FTO: variants seen among roughly 807,000 people sequenced by gnomAD.
FTO encodes the protein alpha-ketoglutarate-dependent dioxygenase FTO.
A neutral mutation model predicts 63.9 loss-of-function variants in FTO; 47 were observed. That is an observed-to-expected ratio of 0.74 (90% CI 0.58 to 0.94). The LOEUF (loss-of-function observed/expected upper bound fraction) is 0.94. FTO is among the 40% of genes least tolerant of loss of function. The probability of loss-of-function intolerance (pLI) is 0.00; values close to 1 mark genes in which losing one functional copy is unlikely to be tolerated. For synonymous variants in FTO, 207 were observed against 224.4 expected, an observed-to-expected ratio of 0.92 and a Z score of 0.69; for missense variants, 562 against 618.1, an observed-to-expected ratio of 0.91 and a Z score of 0.96.
At chr16:53,762,233 C>T (rs1191927533) in intron 1 of FTO, among the ~76,000 whole-genome samples, 1 of 152,130 alleles carries the variant, frequency 6.6e-6, no homozygotes, top group Non-Finnish European at 1.5e-5. Context: ...TGCCTTTCAG[C>T]ACAGGATAGC....
chr16:53,938,724 G>A (rs1376800325), intron 8 of FTO, among the ~76,000 whole-genome samples: 4 of 152,220 alleles, frequency 2.6e-5, no homozygotes, highest in East Asian at 1.9e-4. Flanking sequence ...ACAACAGAGC[G>A]GCAAGTTCTC....
intron 8 of FTO, among the ~76,000 whole-genome samples, chr16:54,089,395 T>C (rs1487656910): frequency 6.6e-6 from 1 of 152,228 alleles, no homozygotes; most frequent in Non-Finnish European, 1.5e-5. Context: ...TAAGAGATAC[T>C]GGATATCTCA....
At chr16:53,739,006 G>A (rs1338533038) in intron 1 of FTO, among the ~76,000 whole-genome samples, 2 of 151,892 alleles carry the variant, frequency 1.3e-5, no homozygotes, top group Non-Finnish European at 2.9e-5. Flanking sequence ...AAAATTTTTT[G>A]TAGAGATAGG....
At chr16:53,987,609 A>G (rs1174210360) in intron 8 of FTO, among the ~76,000 whole-genome samples, 1 of 151,536 alleles carries the variant, frequency 6.6e-6, no homozygotes, top group African/African-American at 2.4e-5. Flanking sequence ...AAAAGAAAAG[A>G]AAAATGACAG....
At chr16:53,943,767 AG>A (rs1417377353) in intron 8 of FTO, among the ~76,000 whole-genome samples, 1 of 152,216 alleles carries the variant, frequency 6.6e-6, no homozygotes, top group Non-Finnish European at 1.5e-5. Flanking sequence ...TTTGTTATAA[AG>A]TAATCACTTG....
chr16:53,938,877 C>G (rs1942485895), intron 8 of FTO, among the ~76,000 whole-genome samples: 1 of 151,338 alleles, frequency 6.6e-6, no homozygotes, highest in African/African-American at 2.4e-5. Context: ...ATCATGAGGT[C>G]AGGAGATGCT....
chr16:54,097,875 A>G (rs2086551575), intron 8 of FTO, among the ~76,000 whole-genome samples: 1 of 152,168 alleles, frequency 6.6e-6, no homozygotes, highest in South Asian at 2.1e-4. Flanking sequence ...CGGTCAAGGA[A>G]GGTCTCCCTG....
chr16:53,755,230 G>A (rs941115826), intron 1 of FTO, among the ~76,000 whole-genome samples: 3 of 152,190 alleles, frequency 2.0e-5, no homozygotes, highest in Admixed American at 1.3e-4. Flanking sequence ...TGTCATTTAT[G>A]TGAGATTTGC....
At chr16:54,029,421 G>C (rs1224334819) in intron 8 of FTO, among the ~76,000 whole-genome samples, 1 of 152,106 alleles carries the variant, frequency 6.6e-6, no homozygotes, top group Non-Finnish European at 1.5e-5. Context: ...GTTCATGGAG[G>C]AAGAAAAGCT....
intron 4 of FTO, among the ~76,000 whole-genome samples, chr16:53,856,808 A>G (rs1359172510): frequency 6.6e-6 from 1 of 151,984 alleles, no homozygotes; most frequent in African/African-American, 2.4e-5. Flanking sequence ...ATACATACCT[A>G]AAGGTACAAA....
intron 1 of FTO, among the ~76,000 whole-genome samples, chr16:53,782,959 T>C (rs929944468): frequency 1.3e-4 from 20 of 152,204 alleles, no homozygotes; most frequent in African/African-American, 4.8e-4. Context: ...TAGTGAATTT[T>C]GGTTGAATGA....
chr16:53,956,368 G>A (rs963198015), intron 8 of FTO, among the ~76,000 whole-genome samples: 3 of 151,874 alleles, frequency 2.0e-5, no homozygotes, highest in African/African-American at 7.3e-5. Flanking sequence ...GGAGTGGATG[G>A]TCTATTATGA....
At chr16:53,710,223 C>G (rs1486239806) in intron 1 of FTO, among the ~76,000 whole-genome samples, 1 of 145,844 alleles carries the variant, frequency 6.9e-6, no homozygotes, top group Non-Finnish European at 1.5e-5. Flanking sequence ...GCCCTGTATT[C>G]TTATTTGTCT....
At position 53,873,790 on chromosome 16, in the gene FTO, T is replaced by C. The variant is rs1438086300; in HGVS notation, c.900T>C (p.Asp300=). 1 of 1,612,712 alleles carries C rather than the reference T, an allele frequency of 6.2e-7. No homozygotes were observed. The change falls in exon 5 of 9, where the codon GAT becomes GAC. Residue 300 remains aspartate, a synonymous_variant. Transcript: ENST00000471389. ...TTTCTGGTGTTTTTCCTGTAGATGA[T>C]CTCAATGCCACCCACCAACACTGTG... The part of the protein sequence containing the change: ...HQGDCYFMLD[D]LNATHQHCVL...
intron 8 of FTO, among the ~76,000 whole-genome samples, chr16:54,032,524 A>G (rs1263642874): frequency 6.6e-6 from 1 of 152,238 alleles, no homozygotes; most frequent in Non-Finnish European, 1.5e-5. Context: ...CTGCTCAGTC[A>G]TCTGAAATAT....
At chr16:53,845,785 C>T (rs527588223) in intron 4 of FTO, among the ~76,000 whole-genome samples, 2 of 152,178 alleles carry the variant, frequency 1.3e-5, no homozygotes, top group Non-Finnish European at 2.9e-5. Flanking sequence ...ATAGTGGTAC[C>T]AGTCTGAGAC....
intron 2 of FTO, among the ~76,000 whole-genome samples, chr16:53,816,664 G>C (rs2151752334): frequency 6.6e-6 from 1 of 152,112 alleles, no homozygotes; most frequent in South Asian, 2.1e-4. Context: ...GCTTTCTTCT[G>C]CTCTGATGTC....
intron 3 of FTO, among the ~76,000 whole-genome samples, chr16:53,834,034 AT>A (rs969840710): frequency 6.8e-6 from 1 of 146,046 alleles, no homozygotes; most frequent in African/African-American, 2.5e-5. Context: ...TTTTTTTTTT[AT>A]TTTTTTTGAG....
chr16:53,872,949 G>A (rs2080542042), intron 4 of FTO, among the ~76,000 whole-genome samples: 1 of 152,108 alleles, frequency 6.6e-6, no homozygotes, highest in Admixed American at 6.6e-5. Context: ...ATAACAACTT[G>A]GTCATTGGTT....
Sources: gnomAD v4.1 joint callset for allele counts (sites outside exome capture counted in the v4.1 genomes callset) on GRCh38, gnomAD v4.1.1 for gene constraint, MANE v1.5 for transcripts, NCBI Gene and HGNC (gene_info 2026-07-23, HGNC 2026-07-21) for gene names.